Variants in E2F7 observed in about 807,000 individuals in gnomAD.
The protein encoded by E2F7 is transcription factor E2F7.
Under a neutral mutation model 81.1 loss-of-function variants are expected in E2F7, and 35 were observed. The ratio of observed to expected loss-of-function variants is 0.43; its 90% CI spans 0.33 to 0.57. The LOEUF is 0.57. Among genes scored for constraint, E2F7 ranks in the 20% least tolerant of loss-of-function variants. The probability of loss-of-function intolerance (pLI) is 0.04; values close to 1 mark genes in which losing one functional copy is unlikely to be tolerated. For synonymous variants in E2F7, 416 were observed against 416.2 expected (o/e 1.00, Z 0.01); for missense variants, 961 against 1,093.7 (o/e 0.88, Z 1.71).
At position 77,024,009 on chromosome 12, in the gene E2F7, G is replaced by A. The variant is rs202120365; in HGVS notation, c.*6C>T. 2.0e-5 allele frequency: 33 copies of A among 1,612,364 alleles called. No individual in the cohort carries two copies. The South Asian group carries it at 3.0e-4, about 15-fold the overall frequency. ...TGATCCCACCCCCACCTGGCAAAGC[G>A]GCAGGTTAGTCAGCGCCGCCGCTGG... On this transcript the variant is annotated 3_prime_UTR_variant, in exon 13 of 13. Transcript: ENST00000322886.
intron 3 of E2F7, among the ~76,000 whole-genome samples, chr12:77,054,278 A>G (rs1955013364): frequency 6.6e-6 from 1 of 152,152 alleles, no homozygotes; most frequent in Non-Finnish European, 1.5e-5. Context: ...GATCTAATAA[A>G]TCAGACATTA....
At chr12:77,047,623 C>T (rs1954953982) in intron 4 of E2F7, among the ~76,000 whole-genome samples, 1 of 152,090 alleles carries the variant, frequency 6.6e-6, no homozygotes, top group African/African-American at 2.4e-5. Context: ...AGCTGTTGGC[C>T]CTTCAAAAAT....
intron 7 of E2F7, among the ~76,000 whole-genome samples, chr12:77,035,175 C>T (rs755100039): frequency 4.6e-5 from 7 of 152,038 alleles, no homozygotes; most frequent in Non-Finnish European, 8.8e-5. Flanking sequence ...GGGAGGGGGA[C>T]CTAGACAGAG....
chr12:77,056,025 T>C lies in E2F7; in HGVS notation c.199A>G (p.Ile67Val), dbSNP rs201405565. Residue 67 changes from isoleucine to valine, a missense_variant, in exon 3 of 13, where the codon ATT becomes GTT. Coordinates refer to ENST00000322886, the MANE Select transcript of E2F7 (RefSeq NM_203394.3). ...QKKFTPERNP[I>V]TPVKFVDRQQ... ...CTGTCAACAAACTTAACTGGAGTAA[T>C]GGGATTTCTTTCTGGAGTAAATTTT... is the stretch of plus-strand genomic sequence containing the variant. 25 of 1,614,184 alleles carry C rather than the reference T, an allele frequency of 1.5e-5. No homozygotes were observed. Among genetic ancestry groups the C allele is most frequent in the Non-Finnish European group, 9.3e-6 (11 of 1,180,006 alleles).
Position 77,024,113 on chromosome 12 carries a change from G to C in E2F7, c.2638C>G (p.Leu880Val). 6.2e-7 allele frequency: 1 copy of C among 1,614,048 alleles called. No homozygotes were observed. The highest frequency in any genetic ancestry group is 8.5e-7 in the Non-Finnish European group (1 of 1,180,014). ...CTTCTCTTCAGGACAGGGTCTCCAA[G>C]GCTGCCGGGTGTCTTGAAAAACGTC... is the stretch of plus-strand genomic sequence containing the variant. The part of the protein sequence containing the change: ...RETFFKTPGS[L>V]GDPVLKRRER... The change falls in exon 13 of 13, where the codon CTT becomes GTT. Residue 880 changes from leucine to valine, a missense_variant. Physicochemically the swap from Leu to Val is conservative, Grantham distance 32 (BLOSUM62 1). This residue lies in a region of E2F7 where 587 missense variants were observed against 620.3 expected (regional missense o/e 0.95). Transcript: ENST00000322886.
At chr12:77,056,271 T>C in intron 2 of E2F7, 141 bp from the exon 3 acceptor site, 1 of 825,078 alleles carries the variant, frequency 1.2e-6, no homozygotes, top group Non-Finnish European at 1.8e-6. Context: ...AGGATAGGAC[T>C]AACGAAAAGT....
rs150608418 is a variant in E2F7, at chr12:77,025,603, G to A, written c.2520C>T (p.Ser840=). The part of the protein sequence containing the change: ...RSHSVVQQPE[S]PVYVGHPVSV... Reference sequence around the variant, plus strand: ...AGACTGGATGTCCCACGTAAACGGGGGACTCAGGTTGTTGGACGACACTGT... The same window carrying A: ...AGACTGGATGTCCCACGTAAACGGGAGACTCAGGTTGTTGGACGACACTGT... The change falls in exon 12 of 13, where the codon TCC becomes TCT. Residue 840 remains serine, a synonymous_variant. Coordinates refer to ENST00000322886, the MANE Select transcript of E2F7 (RefSeq NM_203394.3). The A allele has an allele frequency of 6.2e-7, 1 of 1,614,064 alleles. No homozygotes were observed. The highest frequency in any genetic ancestry group is 1.3e-5 in the African/African-American group (1 of 74,916).
intron 3 of E2F7, 101 bp from the exon 4 acceptor site, chr12:77,050,845 T>C (rs780656748): frequency 5.9e-5 from 66 of 1,116,874 alleles, no homozygotes; most frequent in Non-Finnish European, 8.2e-5. Flanking sequence ...GACATCTCAA[T>C]CCATACCATC....
Position 77,060,627 on chromosome 12 carries a change from C to T in E2F7, c.93+3916G>A, listed in dbSNP as rs185950904. ...CCCCCTGCTACTCAAACCTGCCCTG[C>T]ACTTTGTCACAGCTAAGCTGGTGCT... On this transcript the variant is annotated intron_variant, in intron 2 of 12. Coordinates refer to ENST00000322886, the MANE Select transcript of E2F7 (RefSeq NM_203394.3). 3.7e-3 allele frequency among the ~76,000 whole-genome samples: 559 copies of T among 152,292 alleles called. 6 individuals are homozygous for T. The highest frequency in any genetic ancestry group is 0.012 in the African/African-American group (511 of 41,554).
intron 9 of E2F7, among the ~76,000 whole-genome samples, chr12:77,030,720 C>A (rs1020522251): frequency 6.6e-6 from 1 of 152,132 alleles, no homozygotes; most frequent in Admixed American, 6.6e-5. Flanking sequence ...AATAGCTACT[C>A]TCATTTCCCC....
chr12:77,029,909 A>T lies in E2F7; in HGVS notation c.1806T>A (p.Pro602=), dbSNP rs764110796. ...TAGTGGCTGGCTCATCCTCCTCCTG[A>T]GGTTTCCTCTCCTCACAGAGGCGCT... The part of the protein sequence containing the change: ...AQKRLCEERK[P]QEEDEPATKR... Residue 602 remains proline, a synonymous_variant, in exon 10 of 13, where the codon CCT becomes CCA. Coordinates refer to ENST00000322886, the MANE Select transcript of E2F7 (RefSeq NM_203394.3). 2.5e-6 allele frequency: 4 copies of T among 1,614,168 alleles called. No individual in the cohort carries two copies. Among genetic ancestry groups the T allele is most frequent in the Admixed American group, 3.3e-5 (2 of 60,014 alleles).
At chr12:77,033,210 T>A in intron 8 of E2F7, 88 bp from the exon 9 acceptor site, 12 of 1,193,728 alleles carry the variant, frequency 1.0e-5, no homozygotes, top group South Asian at 4.2e-5. Flanking sequence ...TGAGAATTCA[T>A]TATTCTCAGC....
At chr12:77,054,868 A>G (rs1955019284) in intron 3 of E2F7, among the ~76,000 whole-genome samples, 1 of 152,164 alleles carries the variant, frequency 6.6e-6, no homozygotes, top group Admixed American at 6.5e-5. Flanking sequence ...CAGGACAGGT[A>G]CCACGACCCT....
At chr12:77,026,026 T>A (rs771995886) in intron 11 of E2F7, 44 bp from the exon 12 acceptor site, 17 of 1,540,208 alleles carry the variant, frequency 1.1e-5, no homozygotes, top group Non-Finnish European at 1.4e-5. Context: ...TATGTCATCA[T>A]GAGGATATCA....
chr12:77,057,857 C>G (rs1294929124), intron 2 of E2F7, among the ~76,000 whole-genome samples: 1 of 152,182 alleles, frequency 6.6e-6, no homozygotes, highest in Non-Finnish European at 1.5e-5. Flanking sequence ...TAGATGAGTT[C>G]TCAGTCACTC....
In E2F7 at chr12:77,045,422, G is replaced by C. The variant is rs575529615; in HGVS notation, c.829+616C>G. Among the ~76,000 whole-genome samples the C allele has an allele frequency of 3.3e-5, 5 of 152,254 alleles. No individual in the cohort carries two copies. The East Asian group carries it at 9.6e-4, about 29-fold the overall frequency. ...CATGGGGTGGAACTAAAAGGCAGGA[G>C]GCAGTAACTCTAATGAAAACCAGGC... On this transcript the variant is annotated intron_variant, in intron 5 of 12. Transcript: ENST00000322886.
intron 6 of E2F7, chr12:77,044,352 G>A: frequency 1.9e-6 from 1 of 528,866 alleles, no homozygotes; most frequent in Admixed American, 2.4e-5. Flanking sequence ...ATACTAAAGA[G>A]AAATGCAAAA....
At position 77,025,712 on chromosome 12, in the gene E2F7, G is replaced by T. The variant is rs1285265110; in HGVS notation, c.2411C>A (p.Pro804Gln). The stretch of plus-strand genomic sequence containing the variant: ...TGCAGAAGGGAGTGTGGACGACTTT[G>T]GATTAACCACAGCTGTGGGGCCGAC... ...LLVGPTAVVNPKSSTLPSADP... is the reference protein window; with the variant it reads ...LLVGPTAVVNQKSSTLPSADP... The change falls in exon 12 of 13, where the codon CCA (proline) becomes CAA (glutamine). Residue 804 changes from proline to glutamine, a missense_variant. By Grantham distance (76) the Pro-to-Gln change is moderately conservative. Coordinates refer to ENST00000322886, the MANE Select transcript of E2F7 (RefSeq NM_203394.3). 2 of 1,614,168 alleles carry T rather than the reference G, an allele frequency of 1.2e-6. No homozygotes were observed. The highest frequency in any genetic ancestry group is 4.5e-5 in the East Asian group (2 of 44,880).
chr12:77,033,941 C>G lies in E2F7; in HGVS notation c.1225G>C (p.Gly409Arg). Residue 409 changes from glycine to arginine, a missense_variant, in exon 8 of 13, where the codon GGT (glycine) becomes CGT (arginine). Physicochemically the swap from Gly to Arg is moderately radical, Grantham distance 125 (BLOSUM62 -2). Transcript: ENST00000322886. ...VCAKQKLARH[G>R]SFNTVQASER... ...GAAGCCTGAACTGTGTTAAAAGAAC[C>G]ATGGCGAGCCAGCTTCTGTTTTGCA... is the stretch of plus-strand genomic sequence containing the variant. 6.2e-7 allele frequency: 1 copy of G among 1,614,210 alleles called. No homozygotes were observed.
Sources: allele counts gnomAD v4.1 joint callset (sites outside exome capture counted in the v4.1 genomes callset), GRCh38; gene constraint gnomAD v4.1.1; regional missense constraint gnomAD v4.1.1; transcripts MANE v1.5; gene names NCBI Gene and HGNC (gene_info 2026-07-23, HGNC 2026-07-21).